COL9A3: variants seen among roughly 807,000 people sequenced by gnomAD.
COL9A3 encodes the protein collagen type IX alpha 3 chain, also known as collagen alpha-3(IX) chain.
COL9A3 carries 82 observed loss-of-function variants against 110.2 expected under a neutral mutation model. The observed-to-expected ratio is 0.74, with a 90% CI of 0.62 to 0.89. The LOEUF is 0.89. Among genes scored for constraint, COL9A3 ranks in the 40% least tolerant of loss-of-function variants. COL9A3 has a pLI of 0.00. For synonymous variants in COL9A3, 494 were observed against 403.8 expected (o/e 1.22, Z -2.68); for missense variants, 1,066 against 981.3 (o/e 1.09, Z -1.15).
rs1488604594 is a variant in COL9A3 at position 62,840,556 on chromosome 20, C to G, written c.1879C>G (p.Pro627Ala). Residue 627 changes from proline to alanine, a missense_variant, in exon 32 of 32, where the codon CCC becomes GCC. Pro to Ala is a conservative substitution (Grantham distance 27). Coordinates refer to ENST00000649368, the MANE Select transcript of COL9A3 (RefSeq NM_001853.4). ...TCTGTCCCAAGGACCCCAAGGCGTGCCCGGCACCAGCAAGGACGGCCAGGA... is the reference window on the plus strand; with the variant it reads ...TCTGTCCCAAGGACCCCAAGGCGTGGCCGGCACCAGCAAGGACGGCCAGGA... ...DQGPQGPQGV[P>A]GTSKDGQDGA... 1 of 1,611,902 alleles carries G rather than the reference C, an allele frequency of 6.2e-7. No individual in the cohort carries two copies. The highest frequency in any genetic ancestry group is 8.5e-7 in the Non-Finnish European group (1 of 1,179,804).
intron 30 of COL9A3, 112 bp downstream of exon 30, chr20:62,837,377 G>A (rs2063645243): frequency 2.6e-6 from 3 of 1,134,708 alleles, no homozygotes; most frequent in Admixed American, 2.0e-5. Context: ...GTAACCCCTG[G>A]AACGTGGGGG....
chr20:62,834,262 A>G (rs73613591), intron 26 of COL9A3, among the ~76,000 whole-genome samples: 1 of 152,052 alleles, frequency 6.6e-6, no homozygotes, highest in Non-Finnish European at 1.5e-5. Flanking sequence ...CACCTGCCTC[A>G]GCCTCCCAAA....
In COL9A3 at chr20:62,824,495, G is replaced by A; in HGVS notation, c.570G>A (p.Gly190=). The A allele has an allele frequency of 1.3e-6, 2 of 1,595,680 alleles. No individual in the cohort carries two copies. Among genetic ancestry groups the A allele is most frequent in the Non-Finnish European group, 1.7e-6 (2 of 1,171,830 alleles). The change falls in exon 11 of 32, where the codon GGG becomes GGA. Residue 190 remains glycine (G), a synonymous_variant. Coordinates refer to ENST00000649368, the MANE Select transcript of COL9A3 (RefSeq NM_001853.4). The part of the protein sequence containing the change: ...PGPPGPPGMP[G]FKGPTGYKGE... ...CCCCAGGGCCCCCTGGAATGCCAGG[G>A]TTCAAGGTGAGTCACGGGTGACTGG...
chr20:62,836,668 C>T (rs1331238274), intron 29 of COL9A3, 136 bp downstream of exon 29: 1 of 950,476 alleles, frequency 1.1e-6, no homozygotes, highest in East Asian at 2.6e-5. Flanking sequence ...CGCCTGTTAG[C>T]CCTTGGGGGT....
At chr20:62,833,880 T>TTTTG (rs143222648) in intron 26 of COL9A3, among the ~76,000 whole-genome samples, 2 of 83,532 alleles carry the variant, frequency 2.4e-5, no homozygotes, top group African/African-American at 7.9e-5. Flanking sequence ...TTTTGGGGGG[T>TTTTG]TTTGTTTGTT....
chr20:62,836,297 G>A lies in COL9A3; in HGVS notation c.1512G>A (p.Pro504=), dbSNP rs146843163. ...GTCCTCTGGGCCTGCAGGGCGTCCC[G>A]GGTGTTCCTGGCATCACGGGGAAGC... ...PPGPLGLQGV[P]GVPGITGKPG... is the part of the protein sequence containing the mutation. Residue 504 remains proline, a synonymous_variant, in exon 28 of 32, where the codon CCG becomes CCA. Transcript: ENST00000649368. 68 of 1,613,838 alleles carry A rather than the reference G, an allele frequency of 4.2e-5. No homozygotes were observed. The highest frequency in any genetic ancestry group is 3.3e-4 in the Middle Eastern group (2 of 6,062).
chr20:62,835,014 G>T (rs922824528), intron 26 of COL9A3, among the ~76,000 whole-genome samples: 1 of 152,260 alleles, frequency 6.6e-6, no homozygotes, highest in African/African-American at 2.4e-5. Context: ...GGCCACTGTT[G>T]CTGGTGGGGT....
chr20:62,828,089 G>C, intron 17 of COL9A3, 113 bp downstream of exon 17: 1 of 1,117,278 alleles, frequency 9.0e-7, no homozygotes, highest in Non-Finnish European at 1.3e-6. Flanking sequence ...TGGCCATCTT[G>C]AAATCTGGGT....
chr20:62,827,794 T>C, intron 16 of COL9A3, 129 bp from the exon 17 acceptor site: 1 of 906,956 alleles, frequency 1.1e-6, no homozygotes, highest in Non-Finnish European at 1.8e-6. Flanking sequence ...GGCCCCAGGG[T>C]GGTGGTCGGG....
intron 24 of COL9A3, chr20:62,831,215 G>C (rs537615857): frequency 5.1e-4 from 77 of 152,406 alleles, no homozygotes; most frequent in African/African-American, 1.8e-3. Flanking sequence ...TTTCCTGCTG[G>C]TCTTGCAGCA....
rs1336144541 is a variant in COL9A3 at position 62,835,904 on chromosome 20, A to G, written c.1369-17A>G. On this transcript the variant is annotated splice_polypyrimidine_tract_variant and intron_variant, in intron 26 of 31. Transcript: ENST00000649368. ...AACAATACACTTAGTTCAAACACAC[A>G]ACTTTTCTCTTCACAGGGTCCCAGC... 1 of 1,614,208 alleles carries G rather than the reference A, an allele frequency of 6.2e-7. No individual in the cohort carries two copies.
rs115387836 is a variant in COL9A3 at position 62,832,416 on chromosome 20, G to A, written c.1323+227G>A. On this transcript the variant is annotated intron_variant, in intron 25 of 31. Transcript: ENST00000649368. ...CCCCAGGCACGCCCCGGCATCCGCC[G>A]CTGCCTTCCTGGGTGCAAACAGCTG... Among the ~76,000 whole-genome samples, 1,628 of 152,356 alleles carry A rather than the reference G, an allele frequency of 0.011. 23 individuals carry two copies. The highest frequency in any genetic ancestry group is 0.037 in the African/African-American group (1,555 of 41,576).
chr20:62,828,516 C>T (rs555262657), intron 17 of COL9A3, among the ~76,000 whole-genome samples: 4 of 152,374 alleles, frequency 2.6e-5, no homozygotes, highest in South Asian at 4.1e-4. Context: ...GCCTGGTGGA[C>T]GAGGCCTCGG....
chr20:62,817,700 G>T, intron 2 of COL9A3, 65 bp downstream of exon 2: 1 of 1,121,536 alleles, frequency 8.9e-7, no homozygotes, highest in South Asian at 1.5e-5. Flanking sequence ...CCACCTCCCT[G>T]AGCTCCCCGG....
intron 25 of COL9A3, 107 bp downstream of exon 25, chr20:62,832,296 G>A (rs2063602933): frequency 6.2e-6 from 7 of 1,127,628 alleles, no homozygotes; most frequent in Non-Finnish European, 9.3e-6. Context: ...TCGGGACACT[G>A]AGCCTCCTTT....
intron 4 of COL9A3, 23 bp from the exon 5 acceptor site, chr20:62,819,906 G>A: frequency 6.2e-7 from 1 of 1,612,598 alleles, no homozygotes; most frequent in African/African-American, 1.3e-5. Context: ...GGCCCCTCGA[G>A]CTCGCCCTCT....
At chr20:62,830,463 C>A in intron 23 of COL9A3, 50 bp downstream of exon 23, 1 of 1,587,198 alleles carries the variant, frequency 6.3e-7, no homozygotes. Flanking sequence ...CACACCCAGA[C>A]GGGCCAGACC....
intron 26 of COL9A3, among the ~76,000 whole-genome samples, chr20:62,834,666 C>T (rs944949374): frequency 2.6e-5 from 4 of 151,460 alleles, no homozygotes; most frequent in African/African-American, 7.3e-5. Flanking sequence ...TTTTTTGAGA[C>T]GGAGTCTTGC....
At chr20:62,821,079 T>G in intron 5 of COL9A3, 102 bp from the exon 6 acceptor site, 2 of 1,227,626 alleles carry the variant, frequency 1.6e-6, no homozygotes, top group Non-Finnish European at 2.3e-6. Flanking sequence ...TTGGACCCTG[T>G]TGTCCTGGGA....
Sources: gnomAD v4.1 joint callset for allele counts (sites outside exome capture counted in the v4.1 genomes callset) on GRCh38, gnomAD v4.1.1 for gene constraint, MANE v1.5 for transcripts, NCBI Gene and HGNC (gene_info 2026-07-23, HGNC 2026-07-21) for gene names.